Variants in USP54 observed in about 807,000 individuals in gnomAD.
USP54 encodes ubiquitin specific peptidase 54.
Under a neutral mutation model 170.5 loss-of-function variants are expected in USP54, and 87 were observed. That is an observed-to-expected ratio of 0.51 (90% CI 0.43 to 0.61). The LOEUF is 0.61. Among genes scored for constraint, USP54 ranks in the 20% least tolerant of loss-of-function variants. The probability of loss-of-function intolerance (pLI) is 0.00; values close to 1 mark genes in which losing one functional copy is unlikely to be tolerated. For synonymous variants in USP54, 655 were observed against 742.8 expected (o/e 0.88, Z 1.92); for missense variants, 1,786 against 2,047.8 (o/e 0.87, Z 2.47).
rs757260674 is a variant in USP54 at position 73,517,006 on chromosome 10, C to T, written c.3420G>A (p.Gln1140=). Residue 1140 remains glutamine (Q), a synonymous_variant, in exon 20 of 24, where the codon CAG becomes CAA. Transcript: ENST00000687698. ...CTGTACTATCCCTCATGGAGACACCCTGCATCCTCTGGAACTGCTCAGCCA... is the reference window on the plus strand; with the variant it reads ...CTGTACTATCCCTCATGGAGACACCTTGCATCCTCTGGAACTGCTCAGCCA... The part of the protein sequence containing the change: ...RSLAEQFQRM[Q]GVSMRDSTGF... The T allele has an allele frequency of 1.9e-6, 3 of 1,614,142 alleles. No individual in the cohort carries two copies. In the Admixed American group the frequency reaches 5.0e-5, roughly 27 times the overall value.
At chr10:73,549,768 C>A (rs1334954690) in intron 4 of USP54, among the ~76,000 whole-genome samples, 1 of 152,224 alleles carries the variant, frequency 6.6e-6, no homozygotes, top group Non-Finnish European at 1.5e-5. Context: ...CAGAAACACA[C>A]AGCAGACAAA....
Position 73,529,740 on chromosome 10 carries a change from C to T in USP54, c.2000G>A (p.Arg667Lys), listed in dbSNP as rs2063634617. ...CAGGCTGACAGGGCTGCTGCTGTTCCTCTCACTGCTTTCATAGCCAGATTC... is the reference window on the plus strand; with the variant it reads ...CAGGCTGACAGGGCTGCTGCTGTTCTTCTCACTGCTTTCATAGCCAGATTC... ...RMESGYESSE[R>K]NSSSPVSLDA... is the part of the protein sequence containing the mutation. The change falls in exon 15 of 24, where the codon AGG becomes AAG. Residue 667 changes from arginine to lysine, a missense_variant. Arg to Lys is a conservative substitution (Grantham distance 26). This residue lies in a region of USP54 where 1,418 missense variants were observed against 1,569.0 expected (regional missense o/e 0.90). Transcript: ENST00000687698. 2 of 1,613,876 alleles carry T rather than the reference C, an allele frequency of 1.2e-6. No individual in the cohort carries two copies. The highest frequency in any genetic ancestry group is 1.1e-5 in the South Asian group (1 of 91,080).
intron 1 of USP54, among the ~76,000 whole-genome samples, chr10:73,596,401 C>T (rs2078732547): frequency 6.6e-6 from 1 of 151,442 alleles, no homozygotes; most frequent in Non-Finnish European, 1.5e-5. Context: ...ACTAAAAATA[C>T]AAAAAAAATT....
At position 73,520,933 on chromosome 10, in the gene USP54, A is replaced by C. The variant is rs1264592464; in HGVS notation, c.2457T>G (p.Ala819=). Residue 819 remains alanine, a synonymous_variant, in exon 18 of 24, where the codon GCT becomes GCG. Coordinates refer to ENST00000687698, the MANE Select transcript of USP54 (RefSeq NM_001391956.1). ...HLEQKGDCAA[A]LALCNEAISK... ...AGATAGCTTCATTACAGAGAGCCAA[A>C]GCTGCAGCACAGTCTCCTTTCTGTT... is the stretch of plus-strand genomic sequence containing the variant. 11 of 1,614,200 alleles carry C rather than the reference A, an allele frequency of 6.8e-6. No individual in the cohort carries two copies. Among genetic ancestry groups the C allele is most frequent in the Non-Finnish European group, 9.3e-6 (11 of 1,180,042 alleles).
intron 1 of USP54, among the ~76,000 whole-genome samples, chr10:73,588,380 C>T (rs1004820575): frequency 9.2e-5 from 14 of 152,128 alleles, no homozygotes; most frequent in African/African-American, 1.9e-4. Context: ...TGTGCCACCA[C>T]GCCCAGCTAA....
chr10:73,622,891 C>T (rs2081205763), intron 1 of USP54, among the ~76,000 whole-genome samples: 3 of 151,178 alleles, frequency 2.0e-5, no homozygotes, highest in East Asian at 2.0e-4. Flanking sequence ...TGCAGTGAGC[C>T]GTGATTACTC....
chr10:73,617,319 G>A (rs1178048530), intron 1 of USP54, among the ~76,000 whole-genome samples: 2 of 149,428 alleles, frequency 1.3e-5, no homozygotes, highest in South Asian at 2.1e-4. Context: ...TTAGCCAGGC[G>A]GTGGCGCATG....
chr10:73,604,656 T>C (rs1415638257), intron 1 of USP54, among the ~76,000 whole-genome samples: 1 of 149,508 alleles, frequency 6.7e-6, no homozygotes, highest in East Asian at 2.0e-4. Flanking sequence ...AGTGGTGCAA[T>C]CTTGGCTCAC....
intron 1 of USP54, among the ~76,000 whole-genome samples, chr10:73,599,506 T>C (rs1179356267): frequency 6.6e-6 from 1 of 152,216 alleles, no homozygotes; most frequent in Non-Finnish European, 1.5e-5. Flanking sequence ...TCTTTTTGGA[T>C]ATAAAGACAT....
In USP54 at chr10:73,516,396, A is replaced by G; in HGVS notation, c.4030T>C (p.Trp1344Arg). ...TTACCTGTTTGGCTAAGTGGGTGCC[A>G]GGCGGTATCCTGCTGCCCCCATCCA... ...CSGWGQQDTA[W>R]HPLSQTGSAD... The change falls in exon 20 of 24, where the codon TGG becomes CGG. Residue 1344 changes from tryptophan (W) to arginine (R), a missense_variant. Transcript: ENST00000687698. The G allele has an allele frequency of 6.2e-7, 1 of 1,609,082 alleles. No individual in the cohort carries two copies. The highest frequency in any genetic ancestry group is 8.5e-7 in the Non-Finnish European group (1 of 1,178,070).
chr10:73,568,432 A>G (rs1365317371), intron 4 of USP54, among the ~76,000 whole-genome samples: 1 of 152,232 alleles, frequency 6.6e-6, no homozygotes, highest in Non-Finnish European at 1.5e-5. Context: ...GCTCATCCAC[A>G]CTTCCAAATT....
rs1442645708 is a variant in USP54, at chr10:73,517,221, A to G, written c.3205T>C (p.Tyr1069His). The stretch of plus-strand genomic sequence containing the variant: ...GGCATTATGGGGTGGCAGGTTCTAT[A>G]CAGGGGAAGGCTGGGCTGAGCTGAT... The part of the protein sequence containing the change: ...NSSAQPSLPL[Y>H]RTCHPIMPVA... The change falls in exon 20 of 24, where the codon TAT becomes CAT. Residue 1069 changes from tyrosine (Y) to histidine (H), a missense_variant. This residue lies in a region of USP54 where 1,418 missense variants were observed against 1,569.0 expected (regional missense o/e 0.90). Transcript: ENST00000687698. The G allele has an allele frequency of 1.2e-6, 2 of 1,614,090 alleles. No individual in the cohort carries two copies. The highest frequency in any genetic ancestry group is 1.7e-5 in the Admixed American group (1 of 60,008).
At chr10:73,604,157 G>A (rs1301497025) in intron 1 of USP54, among the ~76,000 whole-genome samples, 1 of 151,994 alleles carries the variant, frequency 6.6e-6, no homozygotes, top group Non-Finnish European at 1.5e-5. Context: ...GCTGAGGCAG[G>A]AGAATCGCTT....
rs2061240683 is a variant in USP54, at chr10:73,517,457, T to C, written c.2969A>G (p.Glu990Gly). The change falls in exon 20 of 24, where the codon GAG (glutamate) becomes GGG (glycine). Residue 990 changes from glutamate to glycine, a missense_variant. Transcript: ENST00000687698. ...WTEKNSHHSW[E>G]PLDAPEGKLQ... ...CTTACCCTCTGGGGCATCCAATGGC[T>C]CCCAACTATGATGAGAATTCTTCTC... 1.2e-6 allele frequency: 2 copies of C among 1,614,210 alleles called. No homozygotes were observed. The highest frequency in any genetic ancestry group is 1.7e-6 in the Non-Finnish European group (2 of 1,180,046).
At position 73,536,351 on chromosome 10, in the gene USP54, A is replaced by G. The variant is rs1590134195; in HGVS notation, c.1062T>C (p.Gly354=). 6.2e-7 allele frequency: 1 copy of G among 1,613,820 alleles called. No individual in the cohort carries two copies. Residue 354 remains glycine, a synonymous_variant, in exon 11 of 24, where the codon GGT becomes GGC. Transcript: ENST00000687698. The part of the protein sequence containing the change: ...PLLLLYADPQ[G]TPVSTQDLPP... Reference sequence around the variant, plus strand: ...GCAGGTCCTGGGTGGAAACTGGGGTACCCTGGGGATCTGCATAAAGCAGCA... The same window carrying G: ...GCAGGTCCTGGGTGGAAACTGGGGTGCCCTGGGGATCTGCATAAAGCAGCA...
chr10:73,547,223 G>A (rs148949900), intron 4 of USP54, among the ~76,000 whole-genome samples: 5,099 of 152,178 alleles, frequency 0.034, 291 homozygotes, highest in African/African-American at 0.12. Context: ...GCAACATGGT[G>A]AAACCCCGTC....
rs756585084 is a variant in USP54, at chr10:73,526,830, C to T, written c.2061-50G>A. On this transcript the variant is annotated intron_variant, in intron 15 of 23. Transcript: ENST00000687698. Reference sequence around the variant, plus strand: ...GTGAAAGCATGAAAGCAGGTTATAGCAACATTCCTAGGACTAAATCTCTCT... The same window carrying T: ...GTGAAAGCATGAAAGCAGGTTATAGTAACATTCCTAGGACTAAATCTCTCT... 9.4e-6 allele frequency: 15 copies of T among 1,587,654 alleles called. No homozygotes were observed. The East Asian group carries it at 3.4e-4, about 36-fold the overall frequency.
At position 73,505,417 on chromosome 10, in the gene USP54, T is replaced by C. The variant is rs140750814; in HGVS notation, c.4061A>G (p.Asp1354Gly). The C allele has an allele frequency of 4.1e-5, 66 of 1,613,864 alleles. No individual in the cohort carries two copies. Among genetic ancestry groups the C allele is most frequent in the Non-Finnish European group, 5.3e-5 (63 of 1,179,956 alleles). ...WHPLSQTGSA[D>G]GMGRRLHSAH... ...TGAGTGCAACCTCCTCCCCATGCCA[T>C]CTGCAGAGCCTGAAGAGGAAAACAC... The change falls in exon 21 of 24, where the codon GAT becomes GGT. Residue 1354 changes from aspartate (D) to glycine (G), a missense_variant. By Grantham distance (94) the Asp-to-Gly change is moderately conservative. Around this residue, in one of 3 missense-constraint regions of USP54, gnomAD observed 1,418 missense variants for 1,569.0 expected, o/e 0.90. Transcript: ENST00000687698.
rs1227690813 is a variant in USP54 at position 73,575,619 on chromosome 10, TACC to T, written c.37_39del (p.Gly13del). 6.2e-7 allele frequency: 1 copy of T among 1,612,100 alleles called. No homozygotes were observed. The highest frequency in any genetic ancestry group is 1.7e-5 in the Admixed American group (1 of 59,666). The stretch of plus-strand genomic sequence containing the variant: ...CGAGGTGCAAACATCCCTTGTACAC[TACC>T]ACGACCCCCTGAAAAATAATTTCTC... On this transcript the variant is annotated inframe_deletion, in exon 3 of 24. Transcript: ENST00000687698.
Sources: gnomAD v4.1 joint callset for allele counts (sites outside exome capture counted in the v4.1 genomes callset) on GRCh38, gnomAD v4.1.1 for gene constraint, gnomAD v4.1.1 regional missense constraint, MANE v1.5 for transcripts, NCBI Gene and HGNC (gene_info 2026-07-23, HGNC 2026-07-21) for gene names.